The following SLC25A53 variants were observed in gnomAD, a reference collection of about 807,000 sequenced individuals.
SLC25A53 encodes the protein mitochondrial carrier triple repeat protein 6.
SLC25A53 carries 5 observed loss-of-function variants against 15.0 expected under a neutral mutation model. That is an observed-to-expected ratio of 0.33 (90% confidence interval 0.17 to 0.70). SLC25A53 has a LOEUF of 0.70. Ranked by LOEUF, SLC25A53 falls within the 30% of genes least tolerant of loss-of-function variation. The pLI, the probability that SLC25A53 is intolerant of heterozygous loss-of-function variation, is 0.67. For missense variants in SLC25A53, 216 were observed against 241.6 expected, an observed-to-expected ratio of 0.89 and a Z score of 0.70; for synonymous variants, 95 against 100.0, an observed-to-expected ratio of 0.95 and a Z score of 0.30.
intron 1 of SLC25A53, among the ~76,000 whole-genome samples, chrX:104,150,608 T>C (rs1342487980): frequency 8.9e-6 from 1 of 112,362 alleles, no homozygotes; most frequent in African/African-American, 3.2e-5. Context: ...CCAAACACTC[T>C]GCTATCCTTG....
At chrX:104,128,105 C>T (rs1351718415) in intron 1 of SLC25A53, among the ~76,000 whole-genome samples, 1 of 111,976 alleles carries the variant, frequency 8.9e-6, no homozygotes, top group Non-Finnish European at 1.9e-5. Context: ...TTTAAAAATT[C>T]CTCCTCCTTT....
At chrX:104,119,808 A>G (rs987927528) in intron 1 of SLC25A53, among the ~76,000 whole-genome samples, 1 of 111,825 alleles carries the variant, frequency 8.9e-6, no homozygotes, top group Non-Finnish European at 1.9e-5. Flanking sequence ...AGAAATTCCC[A>G]TAAGTCCTTG....
chrX:104,111,955 C>T, intron 1 of SLC25A53, among the ~76,000 whole-genome samples: 1 of 111,790 alleles, frequency 8.9e-6, no homozygotes, highest in Non-Finnish European at 1.9e-5. Context: ...TAGAGGAGTG[C>T]TGGCAAGGGG....
At chrX:104,145,083 T>G (rs1477901184) in intron 1 of SLC25A53, among the ~76,000 whole-genome samples, 2 of 111,947 alleles carry the variant, frequency 1.8e-5, no homozygotes, top group Non-Finnish European at 3.8e-5. Context: ...TCAGCAAATG[T>G]AAAAGAACAG....
intron 1 of SLC25A53, among the ~76,000 whole-genome samples, chrX:104,119,657 A>G (rs782779540): frequency 4.5e-5 from 5 of 110,329 alleles, no homozygotes; most frequent in African/African-American, 1.7e-4. Flanking sequence ...TCTTATCTTA[A>G]AATTTCCACA....
intron 1 of SLC25A53, among the ~76,000 whole-genome samples, chrX:104,149,880 T>C (rs781975499): frequency 9.0e-6 from 1 of 111,128 alleles, no homozygotes; most frequent in Non-Finnish European, 1.9e-5. Flanking sequence ...TCTGATTTTT[T>C]AGGGAAAAAC....
intron 1 of SLC25A53, among the ~76,000 whole-genome samples, chrX:104,134,354 G>A (rs894190089): frequency 2.2e-4 from 24 of 111,325 alleles, no homozygotes; most frequent in African/African-American, 6.9e-4. Flanking sequence ...AGTGTCACAC[G>A]GTGGAGACGA....
At chrX:104,140,841 T>C (rs1556367396) in intron 1 of SLC25A53, among the ~76,000 whole-genome samples, 1 of 111,643 alleles carries the variant, frequency 9.0e-6, no homozygotes, top group East Asian at 2.8e-4. Context: ...CCCAGGACAG[T>C]CTTTTAGAGT....
At chrX:104,131,882 C>T (rs1385527727) in intron 1 of SLC25A53, among the ~76,000 whole-genome samples, 7 of 111,705 alleles carry the variant, frequency 6.3e-5, no homozygotes, top group African/African-American at 2.3e-4. Context: ...ACAGCCAAAG[C>T]TTAATTCGTC....
At chrX:104,112,408 C>T (rs2075350943) in intron 1 of SLC25A53, 2 of 114,125 alleles carry the variant, frequency 1.8e-5, no homozygotes, top group African/African-American at 6.3e-5. Context: ...GCCCGCCGGC[C>T]CGCCGGCCAG....
intron 1 of SLC25A53, chrX:104,115,977 G>A (rs782532396): frequency 8.8e-6 from 1 of 113,016 alleles, no homozygotes; most frequent in East Asian, 2.8e-4. Context: ...AAAGGAAGCT[G>A]AAATGGACTG....
At position 104,114,096 on chromosome X, in the gene SLC25A53, C is replaced by G. The variant is rs149349376; in HGVS notation, c.-31-8808G>C. 8.8e-4 allele frequency: 1,060 copies of G among 1,209,679 alleles called. 5 individuals carry two copies. The African/African-American group carries it at 0.016, about 19-fold the overall frequency. On this transcript the variant is annotated intron_variant, in intron 1 of 1. Transcript: ENST00000594199. Reference sequence around the variant, plus strand: ...CGAGCATCTTGTTGTATTCAGATACCCTATCGTCGTCAGTCATGGCTAGCA... The same window carrying G: ...CGAGCATCTTGTTGTATTCAGATACGCTATCGTCGTCAGTCATGGCTAGCA...
intron 1 of SLC25A53, among the ~76,000 whole-genome samples, chrX:104,142,246 A>C (rs1375330567): frequency 8.9e-6 from 1 of 111,795 alleles, no homozygotes; most frequent in Non-Finnish European, 1.9e-5. Context: ...TGTTTCAAAA[A>C]AAACTGAACC....
At chrX:104,111,009 C>T (rs1435194817) in intron 1 of SLC25A53, among the ~76,000 whole-genome samples, 3 of 112,758 alleles carry the variant, frequency 2.7e-5, no homozygotes, top group Non-Finnish European at 5.6e-5. Context: ...TCTTTGCATA[C>T]AATTCCAGGA....
intron 1 of SLC25A53, among the ~76,000 whole-genome samples, chrX:104,153,740 G>T (rs1319473158): frequency 2.7e-5 from 3 of 112,335 alleles, no homozygotes; most frequent in Non-Finnish European, 3.8e-5. Context: ...TATGGTATAA[G>T]TCACTGTGAC....
At chrX:104,155,868 A>AC (rs1556371288) in intron 1 of SLC25A53, among the ~76,000 whole-genome samples, 1 of 109,438 alleles carries the variant, frequency 9.1e-6, no homozygotes, top group Admixed American at 9.8e-5. Context: ...ACATGGTAAA[A>AC]CCCCGTCTCT....
intron 1 of SLC25A53, among the ~76,000 whole-genome samples, chrX:104,131,637 GTCTTT>G (rs1480680298): frequency 9.0e-6 from 1 of 110,960 alleles, no homozygotes; most frequent in African/African-American, 3.3e-5. Flanking sequence ...ACCTTTCCTT[GTCTTT>G]TCTTCAGTCT....
Position 104,104,503 on chromosome X carries a change from C to G in SLC25A53, c.755G>C (p.Trp252Ser). ...GTTCCATACATCCTGGGCAGAGGCC[C>G]ACAGGCTTGGCATGTTCTGCCATCC... ...HIGWQNMPSL[W>S]ASAQDVWNTR... Residue 252 changes from tryptophan to serine, a missense_variant, in exon 2 of 2, where the codon TGG (tryptophan) becomes TCG (serine). Physicochemically the swap from Trp to Ser is radical, Grantham distance 177 (BLOSUM62 -3). Coordinates refer to ENST00000594199, the MANE Select transcript of SLC25A53 (RefSeq NM_001012755.5). The G allele has an allele frequency of 8.3e-7, 1 of 1,211,917 alleles. No homozygotes were observed.
chrX:104,135,714 C>G (rs1171104065), intron 1 of SLC25A53, among the ~76,000 whole-genome samples: 2 of 111,153 alleles, frequency 1.8e-5, no homozygotes, highest in East Asian at 5.7e-4. Context: ...TGTCACTGCC[C>G]TGCTTGAAAC....
Sources: allele counts gnomAD v4.1 joint callset (sites outside exome capture counted in the v4.1 genomes callset), GRCh38; gene constraint gnomAD v4.1.1; transcripts MANE v1.5; gene names NCBI Gene and HGNC (gene_info 2026-07-23, HGNC 2026-07-21).